MACROD2: variants seen among roughly 807,000 people sequenced by gnomAD.
MACROD2 encodes mono-ADP ribosylhydrolase 2, also known as ADP-ribose glycohydrolase MACROD2.
MACROD2 carries 36 observed loss-of-function variants against 70.4 expected under a neutral mutation model. The ratio of observed to expected loss-of-function variants is 0.51; its 90% CI spans 0.39 to 0.68. The LOEUF is 0.68. MACROD2 is among the 30% of genes least tolerant of loss of function. MACROD2 has a pLI of 0.00. For missense variants in MACROD2, 496 were observed against 538.4 expected, an observed-to-expected ratio of 0.92 and a Z score of 0.78; for synonymous variants, 172 against 178.8, an observed-to-expected ratio of 0.96 and a Z score of 0.30.
At chr20:15,406,342 A>C (rs58675897) in intron 6 of MACROD2, among the ~76,000 whole-genome samples, 1 of 152,188 alleles carries the variant, frequency 6.6e-6, no homozygotes, top group Non-Finnish European at 1.5e-5. Context: ...TGCCAGGCCT[A>C]TAAATGTCAA....
At chr20:14,543,751 C>G (rs2123240025) in intron 4 of MACROD2, among the ~76,000 whole-genome samples, 1 of 152,174 alleles carries the variant, frequency 6.6e-6, no homozygotes, top group South Asian at 2.1e-4. Context: ...ATCAAAACAC[C>G]ACTTACGTTA....
chr20:15,949,662 A>T (rs892334815), intron 12 of MACROD2, among the ~76,000 whole-genome samples: 4 of 152,216 alleles, frequency 2.6e-5, no homozygotes, highest in Non-Finnish European at 4.4e-5. Context: ...TGCCTTCCAT[A>T]GATTTTTCTG....
chr20:15,151,650 T>A (rs1221872713), intron 5 of MACROD2, among the ~76,000 whole-genome samples: 1 of 152,100 alleles, frequency 6.6e-6, no homozygotes, highest in African/African-American at 2.4e-5. Flanking sequence ...AGCCATGAAC[T>A]GGGCTGGATT....
chr20:15,128,111 CAATT>C (rs1482813254), intron 5 of MACROD2, among the ~76,000 whole-genome samples: 1 of 151,950 alleles, frequency 6.6e-6, no homozygotes, highest in African/African-American at 2.4e-5. Flanking sequence ...GGGTGTCCAA[CAATT>C]AACCTTCCAA....
In MACROD2 at chr20:15,821,768, G is replaced by A. The variant is rs371557763; in HGVS notation, c.646-40977G>A. On this transcript the variant is annotated intron_variant, in intron 8 of 17. Coordinates refer to ENST00000684519, the MANE Select transcript of MACROD2 (RefSeq NM_001351661.2). ...GGATGATTTAAAGTAACAGGAGGATGTGCATAGATTATATGCAAATAGTAT... is the reference window on the plus strand; with the variant it reads ...GGATGATTTAAAGTAACAGGAGGATATGCATAGATTATATGCAAATAGTAT... Among the ~76,000 whole-genome samples, 97 of 152,306 alleles carry A rather than the reference G, an allele frequency of 6.4e-4. 1 individual carries two copies. Among genetic ancestry groups the A allele is most frequent in the Middle Eastern group, 3.4e-3 (1 of 294 alleles).
chr20:15,886,581 C>A (rs1167979951), intron 10 of MACROD2, among the ~76,000 whole-genome samples: 1 of 152,060 alleles, frequency 6.6e-6, no homozygotes, highest in Non-Finnish European at 1.5e-5. Flanking sequence ...ATATTTTGCT[C>A]TCATTATCAG....
At chr20:15,677,690 ACCAACCAACCAACC>A (rs1241351662) in intron 8 of MACROD2, among the ~76,000 whole-genome samples, 9 of 17,024 alleles carry the variant, frequency 5.3e-4, no homozygotes, top group African/African-American at 1.3e-3. Flanking sequence ...CAACCAACCA[ACCAACCAACCAACC>A]AAATACATCC....
At chr20:14,632,441 A>C (rs1001805829) in intron 4 of MACROD2, among the ~76,000 whole-genome samples, 2 of 152,194 alleles carry the variant, frequency 1.3e-5, no homozygotes, top group Non-Finnish European at 2.9e-5. Context: ...ATATATTTGT[A>C]ATTCATGCAG....
chr20:15,505,868 C>T (rs958351626), intron 8 of MACROD2, among the ~76,000 whole-genome samples: 4 of 152,134 alleles, frequency 2.6e-5, no homozygotes, highest in East Asian at 1.9e-4. Context: ...CTTTGCCCGA[C>T]ATAATTTTTT....
Position 14,750,083 on chromosome 20 carries a change from C to A in MACROD2, c.418+65124C>A, listed in dbSNP as rs1243752646. On this transcript the variant is annotated intron_variant, in intron 5 of 17. Coordinates refer to ENST00000684519, the MANE Select transcript of MACROD2 (RefSeq NM_001351661.2). ...AATTTTATGTTGTGTGTTTTAATCA[C>A]AATTTTCAAAAAGAAAAGAAATATT... is the stretch of plus-strand genomic sequence containing the variant. Among the ~76,000 whole-genome samples, 2 of 152,032 alleles carry A rather than the reference C, an allele frequency of 1.3e-5. 1 individual carries two copies. The highest frequency in any genetic ancestry group is 4.8e-5 in the African/African-American group (2 of 41,352).
At chr20:15,819,992 TC>T (rs2063921927) in intron 8 of MACROD2, among the ~76,000 whole-genome samples, 1 of 152,198 alleles carries the variant, frequency 6.6e-6, no homozygotes, top group Admixed American at 6.5e-5. Flanking sequence ...TATTTTACTA[TC>T]TATATGTATC....
At chr20:15,343,691 TA>T (rs1263020349) in intron 6 of MACROD2, among the ~76,000 whole-genome samples, 3 of 152,222 alleles carry the variant, frequency 2.0e-5, no homozygotes, top group Non-Finnish European at 4.4e-5. Context: ...TGATCATTTC[TA>T]AGAAGATACC....
intron 8 of MACROD2, among the ~76,000 whole-genome samples, chr20:15,657,362 G>A (rs561259208): frequency 8.5e-5 from 13 of 152,212 alleles, no homozygotes; most frequent in Admixed American, 5.2e-4. Flanking sequence ...AATCGAATTC[G>A]GCTACCTGTT....
At chr20:14,992,045 A>G (rs546481585) in intron 5 of MACROD2, among the ~76,000 whole-genome samples, 4 of 152,310 alleles carry the variant, frequency 2.6e-5, no homozygotes, top group Non-Finnish European at 5.9e-5. Context: ...GTTAACGCAT[A>G]TATGTACACA....
At chr20:14,998,619 C>A (rs1417881095) in intron 5 of MACROD2, among the ~76,000 whole-genome samples, 1 of 152,024 alleles carries the variant, frequency 6.6e-6, no homozygotes, top group Admixed American at 6.6e-5. Flanking sequence ...ATGAAGCACA[C>A]CTATAGGATC....
chr20:15,887,502 AAAG>A (rs2064836911), intron 10 of MACROD2, among the ~76,000 whole-genome samples: 1 of 152,136 alleles, frequency 6.6e-6, no homozygotes, highest in African/African-American at 2.4e-5. Flanking sequence ...ACAGCTTTCC[AAAG>A]AAAGTCCTTA....
chr20:14,244,868 G>A (rs1430523756), intron 3 of MACROD2, among the ~76,000 whole-genome samples: 2 of 152,142 alleles, frequency 1.3e-5, no homozygotes, highest in African/African-American at 2.4e-5. Context: ...GTTACTAGCC[G>A]TAAGTGTTAA....
intron 5 of MACROD2, among the ~76,000 whole-genome samples, chr20:15,093,824 C>T (rs1214114614): frequency 6.6e-6 from 1 of 152,148 alleles, no homozygotes; most frequent in African/African-American, 2.4e-5. Context: ...TTTTATAGTA[C>T]TTAGTCTGTG....
At chr20:15,899,753 T>C (rs1448121247) in intron 10 of MACROD2, among the ~76,000 whole-genome samples, 3 of 152,192 alleles carry the variant, frequency 2.0e-5, no homozygotes, top group African/African-American at 7.2e-5. Context: ...TGCTCATTCA[T>C]CAGGAAACTG....
Sources: gnomAD v4.1 joint callset for allele counts (sites outside exome capture counted in the v4.1 genomes callset) on GRCh38, gnomAD v4.1.1 for gene constraint, MANE v1.5 for transcripts, NCBI Gene and HGNC (gene_info 2026-07-23, HGNC 2026-07-21) for gene names.